The following DLGAP1 variants were observed in gnomAD, a reference collection of about 807,000 sequenced individuals.
The protein encoded by DLGAP1 is DLG associated protein 1, also known as disks large-associated protein 1.
A neutral mutation model predicts 90.8 loss-of-function variants in DLGAP1; 11 were observed. That is an observed-to-expected ratio of 0.12 (90% CI 0.08 to 0.20). The LOEUF is 0.20. Among genes scored for constraint, DLGAP1 ranks in the 10% least tolerant of loss-of-function variants. The pLI is 1.00. For synonymous variants in DLGAP1, 558 were observed against 540.7 expected (o/e 1.03, Z -0.44); for missense variants, 1,050 against 1,333.8 (o/e 0.79, Z 3.31).
chr18:4,389,561 C>A (rs974936588), intron 1 of DLGAP1, among the ~76,000 whole-genome samples: 2 of 152,142 alleles, frequency 1.3e-5, no homozygotes, highest in Non-Finnish European at 2.9e-5. Context: ...TGAATGGTGA[C>A]AGCAAAAACA....
At position 3,608,393 on chromosome 18, in the gene DLGAP1, T is replaced by C. The variant is rs562195579; in HGVS notation, c.1592-26145A>G. 5.3e-5 allele frequency: 8 copies of C among 152,338 alleles called. No individual in the cohort carries two copies. In the East Asian group the frequency reaches 1.3e-3, roughly 26 times the overall value. 9.4% of individuals were successfully genotyped at this position (152,338 alleles called of 1,614,324 possible). On this transcript the variant is annotated intron_variant, in intron 7 of 12. Transcript: ENST00000315677. ...GAAAGGCCAGCTGTAATGAACTTGC[T>C]GGTTTTGGTAAATTCATTGCCTTAC...
chr18:3,698,347 G>A (rs1025062841), intron 7 of DLGAP1, among the ~76,000 whole-genome samples: 1 of 152,122 alleles, frequency 6.6e-6, no homozygotes, highest in Non-Finnish European at 1.5e-5. Flanking sequence ...CATCTTTAGT[G>A]CTTCCTCCAG....
At chr18:4,055,834 A>G (rs75132535) in intron 2 of DLGAP1, among the ~76,000 whole-genome samples, 14,426 of 152,178 alleles carry the variant, frequency 0.095, 711 homozygotes, top group Middle Eastern at 0.19. Flanking sequence ...TTTAGGAAAA[A>G]TATATTAGAA....
intron 8 of DLGAP1, among the ~76,000 whole-genome samples, chr18:3,570,890 C>A (rs546040682): frequency 6.8e-6 from 1 of 146,406 alleles, no homozygotes; most frequent in African/African-American, 2.6e-5. Flanking sequence ...GATCATGCCA[C>A]TGCACTCCAG....
At chr18:4,350,369 A>G (rs1452285531) in intron 1 of DLGAP1, among the ~76,000 whole-genome samples, 1 of 152,160 alleles carries the variant, frequency 6.6e-6, no homozygotes, top group Non-Finnish European at 1.5e-5. Context: ...TTTAAATGAG[A>G]TATTATATTT....
At chr18:4,410,064 C>A (rs538812487) in intron 1 of DLGAP1, among the ~76,000 whole-genome samples, 2 of 152,270 alleles carry the variant, frequency 1.3e-5, no homozygotes, top group African/African-American at 4.8e-5. Context: ...GAATGGAAAA[C>A]CAAACATGGT....
intron 6 of DLGAP1, among the ~76,000 whole-genome samples, chr18:3,741,182 C>T (rs1256660354): frequency 1.3e-4 from 10 of 77,502 alleles, no homozygotes; most frequent in Non-Finnish European, 2.0e-4. Context: ...ATCACCACCA[C>T]CACCACCACC....
chr18:4,111,843 C>T (rs2075978196), intron 2 of DLGAP1, among the ~76,000 whole-genome samples: 1 of 151,750 alleles, frequency 6.6e-6, no homozygotes, highest in African/African-American at 2.4e-5. Flanking sequence ...TTCGGTCAGT[C>T]TAACTAAAGG....
chr18:4,248,909 C>T (rs1428981996), intron 1 of DLGAP1, among the ~76,000 whole-genome samples: 1 of 152,242 alleles, frequency 6.6e-6, no homozygotes, highest in Non-Finnish European at 1.5e-5. Context: ...CACTGGTTCA[C>T]ATGCAGTGCC....
chr18:3,969,934 CTG>C (rs2073410152), intron 3 of DLGAP1, among the ~76,000 whole-genome samples: 1 of 152,148 alleles, frequency 6.6e-6, no homozygotes. Context: ...ACTATCAGTC[CTG>C]TCTGTGTCTG....
chr18:3,804,810 C>T (rs1374339486), intron 5 of DLGAP1, among the ~76,000 whole-genome samples: 1 of 152,202 alleles, frequency 6.6e-6, no homozygotes, highest in Non-Finnish European at 1.5e-5. Context: ...CCAAGTGCTT[C>T]AAAAACATTC....
intron 3 of DLGAP1, among the ~76,000 whole-genome samples, chr18:3,898,458 A>G (rs2071704343): frequency 6.6e-6 from 1 of 152,198 alleles, no homozygotes; most frequent in Non-Finnish European, 1.5e-5. Context: ...AAAGTTAAAT[A>G]ATTTACTTGT....
At chr18:3,862,098 G>A (rs914921002) in intron 4 of DLGAP1, among the ~76,000 whole-genome samples, 2 of 152,316 alleles carry the variant, frequency 1.3e-5, no homozygotes, top group Non-Finnish European at 2.9e-5. Flanking sequence ...CCAGTACCCT[G>A]GATAGGCCAT....
At chr18:3,951,396 A>G (rs2072981883) in intron 3 of DLGAP1, among the ~76,000 whole-genome samples, 1 of 152,238 alleles carries the variant, frequency 6.6e-6, no homozygotes, top group Non-Finnish European at 1.5e-5. Context: ...TGATGGATAA[A>G]TAGAAAACTT....
chr18:3,756,278 T>C (rs1317662299), intron 5 of DLGAP1, among the ~76,000 whole-genome samples: 1 of 152,134 alleles, frequency 6.6e-6, no homozygotes, highest in South Asian at 2.1e-4. Flanking sequence ...CTCGATCTCC[T>C]GACCTTGTGA....
intron 1 of DLGAP1, among the ~76,000 whole-genome samples, chr18:4,316,468 A>G (rs535980): frequency 0.56 from 85,478 of 152,030 alleles, 25,137 homozygotes; most frequent in Non-Finnish European, 0.65. Flanking sequence ...GCCTGCTTCA[A>G]TGAAACTGCC....
intron 1 of DLGAP1, among the ~76,000 whole-genome samples, chr18:4,345,660 C>T (rs2081289675): frequency 6.6e-6 from 1 of 152,232 alleles, no homozygotes; most frequent in African/African-American, 2.4e-5. Context: ...GCTCCTTCTA[C>T]TTCACATAAG....
intron 3 of DLGAP1, among the ~76,000 whole-genome samples, chr18:3,992,267 C>G (rs1449720648): frequency 1.3e-5 from 2 of 152,196 alleles, no homozygotes; most frequent in Non-Finnish European, 2.9e-5. Context: ...GTAGGGAAGT[C>G]TGCAGGCCCT....
chr18:4,282,363 C>CAA (rs10710132), intron 1 of DLGAP1, among the ~76,000 whole-genome samples: 5 of 99,088 alleles, frequency 5.0e-5, no homozygotes, highest in Non-Finnish European at 1.1e-4. Flanking sequence ...GACTCTGTCT[C>CAA]AAAAAAAAAA....
Sources: gnomAD v4.1 joint callset for allele counts (sites outside exome capture counted in the v4.1 genomes callset) on GRCh38, gnomAD v4.1.1 for gene constraint, MANE v1.5 for transcripts, NCBI Gene and HGNC (gene_info 2026-07-23, HGNC 2026-07-21) for gene names.